Variants in ZNF536 observed in about 807,000 individuals in gnomAD.
ZNF536 encodes the protein zinc finger protein 536.
Under a neutral mutation model 84.5 loss-of-function variants are expected in ZNF536, and 13 were observed. The observed-to-expected ratio is 0.15, with a 90% CI of 0.10 to 0.24. ZNF536 has a LOEUF of 0.24. Ranked by LOEUF, ZNF536 falls within the 10% of genes least tolerant of loss-of-function variation. ZNF536 has a pLI of 1.00. For synonymous variants in ZNF536, 811 were observed against 742.5 expected, an observed-to-expected ratio of 1.09 and a Z score of -1.50; for missense variants, 1,536 against 1,747.5, an observed-to-expected ratio of 0.88 and a Z score of 2.16.
rs1049549076 is a variant in ZNF536 at position 30,557,757 on chromosome 19, G to A, written c.*593G>A. The A allele has an allele frequency of 4.6e-5, 7 of 152,506 alleles. No homozygotes were observed. Among genetic ancestry groups the A allele is most frequent in the African/African-American group, 1.4e-4 (6 of 41,448 alleles). 9.4% of individuals were successfully genotyped at this position (152,506 alleles called of 1,614,324 possible). On this transcript the variant is annotated 3_prime_UTR_variant, in exon 5 of 5. Coordinates refer to ENST00000355537, the MANE Select transcript of ZNF536 (RefSeq NM_014717.3). ...GTAAAATTTCAGTGAATAGCACCTT[G>A]ACATCTACAACTTAAAAATGGTGAT...
At chr19:30,558,259 G>A (rs1335760504), downstream of ZNF536, among the ~76,000 whole-genome samples, 3 of 152,112 alleles carry the variant, frequency 2.0e-5, no homozygotes, top group East Asian at 5.8e-4. Flanking sequence ...AAACATGCAA[G>A]TGGAAAAGGA....
intron 1 of ZNF536, among the ~76,000 whole-genome samples, chr19:30,406,848 G>A (rs1025397668): frequency 6.6e-6 from 1 of 152,178 alleles, no homozygotes; most frequent in African/African-American, 2.4e-5. Context: ...GTTTCTCATG[G>A]TGATAACCTT....
intron 3 of ZNF536, among the ~76,000 whole-genome samples, chr19:30,542,282 C>T (rs903559199): frequency 6.6e-6 from 1 of 151,960 alleles, no homozygotes; most frequent in African/African-American, 2.4e-5. Flanking sequence ...ATATCAACAG[C>T]AAAGTAGAGG....
chr19:30,255,808 C>T (rs887520751), intron 1 of ZNF536, among the ~76,000 whole-genome samples: 2 of 152,110 alleles, frequency 1.3e-5, no homozygotes, highest in African/African-American at 2.4e-5. Context: ...GCATAGACCC[C>T]GTCATGGGAG....
chr19:30,270,786 T>A (rs1265546589), intron 1 of ZNF536, among the ~76,000 whole-genome samples: 2 of 151,548 alleles, frequency 1.3e-5, no homozygotes, highest in Non-Finnish European at 2.9e-5. Context: ...AATGCTTTTC[T>A]AAAGCTATGT....
chr19:30,510,735 C>T (rs2055376282), intron 2 of ZNF536, among the ~76,000 whole-genome samples: 1 of 152,204 alleles, frequency 6.6e-6, no homozygotes, highest in Non-Finnish European at 1.5e-5. Context: ...TGCATCCTCA[C>T]CTCTCTCCAA....
At chr19:30,263,561 T>G (rs2025338091) in intron 1 of ZNF536, among the ~76,000 whole-genome samples, 1 of 152,100 alleles carries the variant, frequency 6.6e-6, no homozygotes, top group South Asian at 2.1e-4. Flanking sequence ...CTATGAAAGG[T>G]GATCTCATTC....
In ZNF536 at chr19:30,445,477, G is replaced by A. The variant is rs953908363; in HGVS notation, c.1915G>A (p.Val639Met). 6.2e-7 allele frequency: 1 copy of A among 1,614,166 alleles called. No homozygotes were observed. Among genetic ancestry groups the A allele is most frequent in the South Asian group, 1.1e-5 (1 of 91,082 alleles). Residue 639 changes from valine (V) to methionine (M), a missense_variant, in exon 2 of 5, where the codon GTG becomes ATG. Around this residue, in one of 8 missense-constraint regions of ZNF536, gnomAD observed 366 missense variants for 364.4 expected, o/e 1.00. Transcript: ENST00000355537. The surrounding 1 kb of genome is among the most constrained non-coding windows in gnomAD (Gnocchi z 4.5). Reference protein sequence around the residue: ...KPTECPDCGRVFRTYHQVVVH... With the variant: ...KPTECPDCGRMFRTYHQVVVH... ...CACCGAGTGCCCCGACTGCGGCCGG[G>A]TGTTCCGCACTTACCACCAGGTGGT...
chr19:30,589,300 G>A (rs117253841), intron 1 of ZNF536, among the ~76,000 whole-genome samples: 14 of 152,258 alleles, frequency 9.2e-5, no homozygotes, highest in African/African-American at 9.6e-5. Flanking sequence ...CTGTGCCCTA[G>A]ACCCTCTGTT....
chr19:30,344,304 T>TATATATATATATATATA (rs1460061348), intron 2 of ZNF536, among the ~76,000 whole-genome samples: 3 of 66,270 alleles, frequency 4.5e-5, no homozygotes, highest in Non-Finnish European at 8.3e-5. Flanking sequence ...CACAAATATA[T>TATATATATATATATATA]TGGCGGCCTC....
At chr19:30,336,923 G>A (rs149312039) in intron 2 of ZNF536, among the ~76,000 whole-genome samples, 90 of 152,312 alleles carry the variant, frequency 5.9e-4, no homozygotes, top group African/African-American at 2.0e-3. Context: ...TGATTAGTTC[G>A]AGGAAAGTGC....
chr19:30,404,760 A>C (rs1159465938), intron 1 of ZNF536, among the ~76,000 whole-genome samples: 1 of 152,128 alleles, frequency 6.6e-6, no homozygotes, highest in Non-Finnish European at 1.5e-5. Flanking sequence ...CACACCCAGC[A>C]GTGGACACCA....
intron 1 of ZNF536, among the ~76,000 whole-genome samples, chr19:30,374,721 G>A (rs2048742303): frequency 6.6e-6 from 1 of 151,484 alleles, no homozygotes; most frequent in Non-Finnish European, 1.5e-5. Context: ...GCAACTTCTC[G>A]GACCGTCTCT....
At chr19:30,245,796 C>T (rs1342047598) in intron 1 of ZNF536, among the ~76,000 whole-genome samples, 15 of 152,312 alleles carry the variant, frequency 9.8e-5, no homozygotes, top group Admixed American at 6.5e-5. Flanking sequence ...GTTTTGGCCT[C>T]GGGGGCCTTT....
At chr19:30,654,244 A>C (rs2049819171) in intron 1 of ZNF536, among the ~76,000 whole-genome samples, 1 of 152,160 alleles carries the variant, frequency 6.6e-6, no homozygotes, top group South Asian at 2.1e-4. Context: ...ACCTAGGTAC[A>C]TCCAACAGGT....
At chr19:30,569,922 G>A (rs2046485208) in intron 1 of ZNF536, among the ~76,000 whole-genome samples, 1 of 152,154 alleles carries the variant, frequency 6.6e-6, no homozygotes, top group Non-Finnish European at 1.5e-5. Context: ...CCCGGGGGCT[G>A]TGGATAGCAG....
intron 1 of ZNF536, among the ~76,000 whole-genome samples, chr19:30,678,737 C>CG (rs1191046642): frequency 6.6e-6 from 1 of 150,870 alleles, no homozygotes; most frequent in Non-Finnish European, 1.5e-5. Context: ...CCCCAAGCCC[C>CG]CCCACACACA....
chr19:30,252,971 G>C (rs537626270), intron 1 of ZNF536, among the ~76,000 whole-genome samples: 2 of 152,162 alleles, frequency 1.3e-5, no homozygotes, highest in East Asian at 1.9e-4. Context: ...AGAATGTTTC[G>C]AAATGCTGAT....
chr19:30,366,445 C>T (rs2048436114), intron 3 of ZNF536, among the ~76,000 whole-genome samples: 1 of 150,370 alleles, frequency 6.7e-6, no homozygotes, highest in African/African-American at 2.5e-5. Flanking sequence ...TTATTCATTT[C>T]TTCCTTTCTC....
Sources: allele counts gnomAD v4.1 joint callset (sites outside exome capture counted in the v4.1 genomes callset), GRCh38; gene constraint gnomAD v4.1.1; regional missense constraint gnomAD v4.1.1; non-coding constraint Gnocchi (gnomAD v3.1); transcripts MANE v1.5; gene names NCBI Gene and HGNC (gene_info 2026-07-23, HGNC 2026-07-21).